ADAMTSL1: variants seen among roughly 807,000 people sequenced by gnomAD.
ADAMTSL1 encodes ADAMTS like 1.
ADAMTSL1 carries 126 observed loss-of-function variants against 201.8 expected under a neutral mutation model. The ratio of observed to expected loss-of-function variants is 0.62; its 90% CI spans 0.54 to 0.72. ADAMTSL1 has a LOEUF of 0.72. ADAMTSL1 is among the 30% of genes least tolerant of loss of function. The pLI is 0.00. For synonymous variants in ADAMTSL1, 1,121 were observed against 903.4 expected (o/e 1.24, Z -4.32); for missense variants, 2,679 against 2,277.8 (o/e 1.18, Z -3.59).
At chr9:18,013,013 A>G (rs1199160099) in intron 1 of ADAMTSL1, among the ~76,000 whole-genome samples, 2 of 150,918 alleles carry the variant, frequency 1.3e-5, no homozygotes, top group East Asian at 3.9e-4. Flanking sequence ...TCTTTAGCAC[A>G]TATTACTTTT....
intron 4 of ADAMTSL1, among the ~76,000 whole-genome samples, chr9:18,593,630 G>C (rs1172133256): frequency 6.6e-6 from 1 of 151,850 alleles, no homozygotes; most frequent in Admixed American, 6.6e-5. Flanking sequence ...GTTTCAAGAG[G>C]TTTTTCAATT....
chr9:18,750,656 A>G (rs1201184455), intron 15 of ADAMTSL1, among the ~76,000 whole-genome samples: 2 of 152,228 alleles, frequency 1.3e-5, no homozygotes, highest in Non-Finnish European at 2.9e-5. Flanking sequence ...CTATTGCTGC[A>G]TAACAAATTT....
At chr9:18,504,786 T>C in intron 1 of ADAMTSL1, 43 bp from the exon 2 acceptor site, 1 of 1,614,100 alleles carries the variant, frequency 6.2e-7, no homozygotes. Context: ...GTTTCAGGGT[T>C]CCATGGGGGA....
At chr9:18,757,572 T>C (rs1383030628) in intron 16 of ADAMTSL1, among the ~76,000 whole-genome samples, 1 of 152,076 alleles carries the variant, frequency 6.6e-6, no homozygotes, top group Non-Finnish European at 1.5e-5. Context: ...CTCCCATCCC[T>C]GCTTGTATAC....
At chr9:18,659,152 T>A (rs762205947) in intron 8 of ADAMTSL1, among the ~76,000 whole-genome samples, 75 of 152,356 alleles carry the variant, frequency 4.9e-4, no homozygotes, top group Non-Finnish European at 8.8e-4. Context: ...AAATAGCTAA[T>A]CCACAGAAGT....
At chr9:18,644,850 G>A (rs539121972) in intron 7 of ADAMTSL1, among the ~76,000 whole-genome samples, 19 of 151,934 alleles carry the variant, frequency 1.3e-4, no homozygotes, top group East Asian at 1.9e-4. Flanking sequence ...ATAAACATAC[G>A]TGTGCATGTG....
intron 2 of ADAMTSL1, among the ~76,000 whole-genome samples, chr9:18,355,196 G>T (rs1317494336): frequency 6.6e-6 from 1 of 152,078 alleles, no homozygotes; most frequent in East Asian, 1.9e-4. Context: ...TGGTATCACT[G>T]TTCTCCCTTT....
intron 1 of ADAMTSL1, among the ~76,000 whole-genome samples, chr9:17,939,941 C>A (rs1453034076): frequency 6.6e-6 from 1 of 152,078 alleles, no homozygotes; most frequent in Non-Finnish European, 1.5e-5. Context: ...TTGGACTTGA[C>A]CCTTCTTGGC....
In ADAMTSL1 at chr9:18,517,412, T is replaced by C. The variant is rs138664877; in HGVS notation, c.191+12456T>C. Among the ~76,000 whole-genome samples, 255 of 150,064 alleles carry C rather than the reference T, an allele frequency of 1.7e-3. 1 individual carries two copies. Among genetic ancestry groups the C allele is most frequent in the African/African-American group, 5.8e-3 (238 of 40,790 alleles). ...TTAAACTTTTCATCTTTTTCTTTTT[T>C]TTTAATTTATTTTTTTTTATTATAC... is the stretch of plus-strand genomic sequence containing the variant. On this transcript the variant is annotated intron_variant, in intron 2 of 28. Transcript: ENST00000380548.
chr9:18,703,478 T>C (rs1417495233), intron 13 of ADAMTSL1, among the ~76,000 whole-genome samples: 1 of 151,944 alleles, frequency 6.6e-6, no homozygotes, highest in Non-Finnish European at 1.5e-5. Flanking sequence ...CTAGAGAAAT[T>C]AAGATGACTG....
chr9:18,247,462 G>C (rs1437886241), intron 2 of ADAMTSL1, among the ~76,000 whole-genome samples: 1 of 152,158 alleles, frequency 6.6e-6, no homozygotes, highest in African/African-American at 2.4e-5. Flanking sequence ...TCTCTCTCTT[G>C]TGGAGTTTAC....
intron 2 of ADAMTSL1, among the ~76,000 whole-genome samples, chr9:18,269,810 G>T (rs1209388064): frequency 6.6e-6 from 1 of 150,978 alleles, no homozygotes; most frequent in African/African-American, 2.4e-5. Flanking sequence ...AAACCAAAGG[G>T]GGAAACTCTG....
chr9:18,431,199 G>C (rs1819474363), intron 2 of ADAMTSL1, among the ~76,000 whole-genome samples: 1 of 152,276 alleles, frequency 6.6e-6, no homozygotes, highest in Admixed American at 6.5e-5. Context: ...ACCAGCTCAG[G>C]TTCAGAAATG....
intron 14 of ADAMTSL1, among the ~76,000 whole-genome samples, chr9:18,712,811 A>T (rs10811015): frequency 6.6e-6 from 1 of 150,688 alleles, no homozygotes; most frequent in African/African-American, 2.4e-5. Context: ...ATTCACCAAC[A>T]TTGAAATGAA....
chr9:18,856,051 G>A (rs1305160489), intron 23 of ADAMTSL1, among the ~76,000 whole-genome samples: 1 of 152,094 alleles, frequency 6.6e-6, no homozygotes, highest in African/African-American at 2.4e-5. Flanking sequence ...TGGCATCTCA[G>A]ATTCTTACTG....
chr9:17,966,939 A>G (rs1314768891), intron 1 of ADAMTSL1, among the ~76,000 whole-genome samples: 4 of 152,130 alleles, frequency 2.6e-5, no homozygotes, highest in African/African-American at 4.8e-5. Flanking sequence ...GAAAGTGGCC[A>G]TTATTTATAA....
chr9:18,737,632 T>C (rs1818591165), intron 15 of ADAMTSL1, among the ~76,000 whole-genome samples: 1 of 152,220 alleles, frequency 6.6e-6, no homozygotes, highest in Non-Finnish European at 1.5e-5. Context: ...AGCTGAAAGA[T>C]GTGTCTAGAA....
intron 2 of ADAMTSL1, among the ~76,000 whole-genome samples, chr9:18,412,855 T>C (rs1300878839): frequency 2.0e-5 from 3 of 152,208 alleles, no homozygotes; most frequent in Middle Eastern, 3.2e-3. Flanking sequence ...TTATCAGATA[T>C]AGAGTCAGCT....
intron 1 of ADAMTSL1, among the ~76,000 whole-genome samples, chr9:17,960,174 A>G (rs1049002110): frequency 6.6e-6 from 1 of 152,150 alleles, no homozygotes; most frequent in African/African-American, 2.4e-5. Context: ...TAGCTCAACC[A>G]TCATGGCTAC....
Sources: gnomAD v4.1 joint callset for allele counts (sites outside exome capture counted in the v4.1 genomes callset) on GRCh38, gnomAD v4.1.1 for gene constraint, MANE v1.5 for transcripts, NCBI Gene and HGNC (gene_info 2026-07-23, HGNC 2026-07-21) for gene names.